GNB1: variants seen among roughly 807,000 people sequenced by gnomAD.
The protein encoded by GNB1 is guanine nucleotide-binding protein G(I)/G(S)/G(T) subunit beta-1.
A neutral mutation model predicts 42.9 loss-of-function variants in GNB1; 2 were observed. The observed-to-expected ratio is 0.05, with a 90% CI of 0.02 to 0.15. The LOEUF (loss-of-function observed/expected upper bound fraction) is 0.15. Ranked by LOEUF, GNB1 falls within the 10% of genes least tolerant of loss-of-function variation. The pLI is 1.00. For missense variants in GNB1, 193 were observed against 462.2 expected, an observed-to-expected ratio of 0.42 and a Z score of 5.34; for synonymous variants, 183 against 174.7, an observed-to-expected ratio of 1.05 and a Z score of -0.38.
At chr1:1,866,385 T>C (rs1570736957) in intron 1 of GNB1, among the ~76,000 whole-genome samples, 2 of 152,324 alleles carry the variant, frequency 1.3e-5, no homozygotes, top group African/African-American at 4.8e-5. Flanking sequence ...CCCCAAACTA[T>C]ACATATTCAA....
At chr1:1,853,044 G>C (rs1264819062) in intron 1 of GNB1, among the ~76,000 whole-genome samples, 1 of 151,950 alleles carries the variant, frequency 6.6e-6, no homozygotes, top group Non-Finnish European at 1.5e-5. Flanking sequence ...AAACCTGCTG[G>C]CAGTCCCTCC....
chr1:1,866,089 C>T (rs991589140), intron 1 of GNB1, among the ~76,000 whole-genome samples: 1 of 152,130 alleles, frequency 6.6e-6, no homozygotes, highest in African/African-American at 2.4e-5. Context: ...CAGGCATGCA[C>T]CACCACGGCC....
chr1:1,804,276 G>T, intron 7 of GNB1, 143 bp downstream of exon 7: 1 of 586,140 alleles, frequency 1.7e-6, no homozygotes, highest in African/African-American at 1.9e-5. Context: ...TCCAGCCTGG[G>T]TGACAGAGCG....
At chr1:1,801,365 C>G (rs1279014770) in intron 7 of GNB1, among the ~76,000 whole-genome samples, 1 of 152,252 alleles carries the variant, frequency 6.6e-6, no homozygotes, top group Admixed American at 6.5e-5. Flanking sequence ...CATTATAAGA[C>G]CCCTAATTTC....
intron 1 of GNB1, among the ~76,000 whole-genome samples, chr1:1,888,749 A>C (rs997841702): frequency 6.6e-6 from 1 of 152,098 alleles, no homozygotes; most frequent in Non-Finnish European, 1.5e-5. Context: ...GAGGCAAGAG[A>C]ATCACTTGAA....
At chr1:1,828,190 G>A (rs1486632473) in intron 2 of GNB1, among the ~76,000 whole-genome samples, 3 of 152,060 alleles carry the variant, frequency 2.0e-5, no homozygotes, top group African/African-American at 7.2e-5. Flanking sequence ...GCGTGGTGGT[G>A]TGTGCCTGTA....
intron 1 of GNB1, among the ~76,000 whole-genome samples, chr1:1,840,202 T>C (rs1187987503): frequency 6.8e-6 from 1 of 147,532 alleles, no homozygotes; most frequent in Non-Finnish European, 1.5e-5. Context: ...CACTTCAGCC[T>C]GGGTGATAGA....
chr1:1,886,687 T>G (rs932135613), intron 1 of GNB1, among the ~76,000 whole-genome samples: 7 of 152,210 alleles, frequency 4.6e-5, no homozygotes, highest in South Asian at 2.1e-4. Context: ...GAAATCAGAA[T>G]GTAAACCAGT....
At chr1:1,808,008 C>A (rs1435678269) in intron 5 of GNB1, among the ~76,000 whole-genome samples, 2 of 151,744 alleles carry the variant, frequency 1.3e-5, no homozygotes, top group Non-Finnish European at 2.9e-5. Flanking sequence ...CACGCCCGGC[C>A]TCTTTTTTTT....
chr1:1,788,706 T>C (rs538964430), intron 10 of GNB1: 7 of 237,952 alleles, frequency 2.9e-5, no homozygotes, highest in South Asian at 8.8e-5. Context: ...ATGTTAACTG[T>C]AACGGCACCC....
intron 2 of GNB1, among the ~76,000 whole-genome samples, chr1:1,833,516 C>T (rs748486715): frequency 2.0e-5 from 3 of 152,142 alleles, no homozygotes; most frequent in African/African-American, 4.8e-5. Context: ...GCAACGCATG[C>T]GCAGACCCTC....
intron 1 of GNB1, among the ~76,000 whole-genome samples, chr1:1,859,782 G>A (rs781306983): frequency 3.3e-5 from 5 of 151,622 alleles, no homozygotes; most frequent in African/African-American, 1.2e-4. Context: ...GCCGAGAGGC[G>A]GGCAAATCAG....
chr1:1,809,209 T>C (rs1219675121), intron 5 of GNB1, among the ~76,000 whole-genome samples: 1 of 150,924 alleles, frequency 6.6e-6, no homozygotes, highest in Non-Finnish European at 1.5e-5. Context: ...TTTTTTTTTT[T>C]TTGAGAGAGA....
At chr1:1,837,172 C>CA (rs1647163043) in intron 2 of GNB1, among the ~76,000 whole-genome samples, 1 of 151,900 alleles carries the variant, frequency 6.6e-6, no homozygotes, top group African/African-American at 2.4e-5. Context: ...TTTGATCTCA[C>CA]ATCTAAAAAC....
intron 3 of GNB1, 142 bp from the exon 4 acceptor site, chr1:1,818,017 C>G (rs1646880302): frequency 9.3e-6 from 6 of 645,676 alleles, no homozygotes; most frequent in Admixed American, 4.3e-5. Flanking sequence ...AGTCTCCTTG[C>G]ATCTCAACAC....
chr1:1,866,210 G>C (rs776602172), intron 1 of GNB1, among the ~76,000 whole-genome samples: 36 of 152,260 alleles, frequency 2.4e-4, no homozygotes, highest in Non-Finnish European at 5.0e-4. Flanking sequence ...AAAGTGCTGA[G>C]ATTACAGGCG....
intron 1 of GNB1, among the ~76,000 whole-genome samples, chr1:1,882,128 T>C (rs569357332): frequency 4.7e-4 from 72 of 152,284 alleles, no homozygotes; most frequent in Admixed American, 2.4e-3. Context: ...CATTCTACTA[T>C]GGCTCACAGC....
At chr1:1,861,111 A>AT (rs1648601674) in intron 1 of GNB1, among the ~76,000 whole-genome samples, 3 of 14,810 alleles carry the variant, frequency 2.0e-4, no homozygotes, top group Admixed American at 4.9e-3. Flanking sequence ...TCTGTCTCAC[A>AT]AAAAAAAAAA....
rs1646417966 is a variant in GNB1, at chr1:1,787,176, A to C, written c.*10-123T>G. On this transcript the variant is annotated intron_variant, in intron 11 of 11. Transcript: ENST00000378609. The surrounding 1 kb of genome is among the most constrained non-coding windows in gnomAD (Gnocchi z 4.4). ...TCTGCAGCTGAGGGCACGTGACTTC[A>C]GCTTTCTGTAAACGTTTCCCACAAC... 1 of 587,442 alleles carries C rather than the reference A, an allele frequency of 1.7e-6. No individual in the cohort carries two copies. The highest frequency in any genetic ancestry group is 1.9e-5 in the African/African-American group (1 of 53,218). The allele number at this position is 587,442 out of a possible 1,614,324, so 36.4% of individuals were successfully genotyped here.
Sources: gnomAD v4.1 joint callset for allele counts (sites outside exome capture counted in the v4.1 genomes callset) on GRCh38, gnomAD v4.1.1 for gene constraint, Gnocchi (gnomAD v3.1) non-coding constraint, MANE v1.5 for transcripts, NCBI Gene and HGNC (gene_info 2026-07-23, HGNC 2026-07-21) for gene names.